Variants in DBNDD2 observed in about 807,000 individuals in gnomAD.
DBNDD2 encodes dysbindin domain-containing protein 2.
In DBNDD2, 8 loss-of-function variants were observed where a neutral mutation model predicts 14.0. The observed-to-expected ratio is 0.57, with a 90% CI of 0.33 to 1.03. DBNDD2 has a LOEUF of 1.03. Ranked by LOEUF, DBNDD2 falls within the 50% of genes least tolerant of loss-of-function variation. DBNDD2 has a pLI of 0.03. For synonymous variants in DBNDD2, 94 were observed against 85.3 expected (o/e 1.10, Z -0.56); for missense variants, 194 against 206.0 (o/e 0.94, Z 0.36).
chr20:45,406,649 C>T (rs1282614688), upstream of DBNDD2: 65 of 1,351,846 alleles, frequency 4.8e-5, no homozygotes, highest in Non-Finnish European at 6.2e-5. Flanking sequence ...AGCCCCACCC[C>T]GGCCGGCGCG....
Position 45,410,002 on chromosome 20 carries a change from C to T in DBNDD2, c.348C>T (p.Ser116=). 2 of 1,551,344 alleles carry T rather than the reference C, an allele frequency of 1.3e-6. No homozygotes were observed. Among genetic ancestry groups the T allele is most frequent in the Non-Finnish European group, 8.7e-7 (1 of 1,146,564 alleles). ...PTSDRTTSRT[S]SSSSSDSSTN... ...CAGACAGGACCACATCTAGGACCTCCTCCTCCTCCTCCTCCGACTCCTCCA... is the reference window on the plus strand; with the variant it reads ...CAGACAGGACCACATCTAGGACCTCTTCCTCCTCCTCCTCCGACTCCTCCA... The change falls in exon 3 of 3, where the codon TCC becomes TCT. Residue 116 remains serine, a synonymous_variant. Coordinates refer to ENST00000372710, the MANE Select transcript of DBNDD2 (RefSeq NM_001048225.4).
upstream of DBNDD2, chr20:45,407,855 T>C (rs540975712): frequency 8.8e-7 from 1 of 1,140,094 alleles, no homozygotes; most frequent in East Asian, 4.5e-5. Flanking sequence ...GAGCCTAGTC[T>C]GGAAGTCAGG....
In DBNDD2 at chr20:45,410,021, T is replaced by G. The variant is rs775517761; in HGVS notation, c.367T>G (p.Ser123Ala). 6.4e-7 allele frequency: 1 copy of G among 1,552,368 alleles called. No homozygotes were observed. Among genetic ancestry groups the G allele is most frequent in the Non-Finnish European group, 8.7e-7 (1 of 1,147,310 alleles). ...GACCTCCTCCTCCTCCTCCTCCGAC[T>G]CCTCCACCAACCTGCATAGCCCAAA... is the stretch of plus-strand genomic sequence containing the variant. ...SRTSSSSSSD[S>A]STNLHSPNPS... Residue 123 changes from serine to alanine, a missense_variant, in exon 3 of 3, where the codon TCC becomes GCC. Physicochemically the swap from Ser to Ala is moderately conservative, Grantham distance 99. Coordinates refer to ENST00000372710, the MANE Select transcript of DBNDD2 (RefSeq NM_001048225.4).
At position 45,410,182 on chromosome 20, in the gene DBNDD2, C is replaced by T; in HGVS notation, c.*42C>T. The stretch of plus-strand genomic sequence containing the variant: ...ACAGACTGACCACGCTGGCTATTCT[C>T]CACATGAGACCACAGGCCCAGCCAG... On this transcript the variant is annotated 3_prime_UTR_variant, in exon 3 of 3. Transcript: ENST00000372710. The T allele has an allele frequency of 3.2e-6, 5 of 1,546,808 alleles. No homozygotes were observed. In the South Asian group the frequency reaches 4.8e-5, roughly 15 times the overall value.
chr20:45,408,736 T>C (rs896380054), intron 1 of DBNDD2, 65 bp from the exon 2 acceptor site: 85 of 1,583,558 alleles, frequency 5.4e-5, no homozygotes, highest in Middle Eastern at 5.0e-4. Context: ...GGACCTGACA[T>C]GTAACTCTCA....
Position 45,408,304 on chromosome 20 carries a change from G to T in DBNDD2, c.-164G>T, listed in dbSNP as rs1273798588. On this transcript the variant is annotated 5_prime_UTR_variant, in exon 1 of 3. Transcript: ENST00000372710. ...TTTGTGGGACACACTTGGTTTCAGGGAAGGGGAAAGAGGTCACCAAGGGCA... is the reference window on the plus strand; with the variant it reads ...TTTGTGGGACACACTTGGTTTCAGGTAAGGGGAAAGAGGTCACCAAGGGCA... 1 of 1,571,302 alleles carries T rather than the reference G, an allele frequency of 6.4e-7. No homozygotes were observed. The highest frequency in any genetic ancestry group is 1.4e-5 in the African/African-American group (1 of 73,760).
At chr20:45,407,869 G>A (rs1212945344), upstream of DBNDD2, 2 of 1,167,300 alleles carry the variant, frequency 1.7e-6, no homozygotes, top group Admixed American at 4.2e-5. Flanking sequence ...AGTCAGGCCT[G>A]TGACTTCAGA....
chr20:45,408,928 C>A lies in DBNDD2; in HGVS notation c.267C>A (p.Pro89=). Residue 89 remains proline (P), a synonymous_variant, in exon 2 of 3, where the codon CCC becomes CCA. Transcript: ENST00000372710. ...CTTGCGAAGATCCTCCACCAACCCC[C>A]CAGTCGTCTGGTATGCCCCTCTGCT... ...FLPCEDPPPT[P]QSSGMDNHLE... is the part of the protein sequence containing the mutation. 1 of 1,614,216 alleles carries A rather than the reference C, an allele frequency of 6.2e-7. No individual in the cohort carries two copies.
upstream of DBNDD2, chr20:45,406,590 C>G (rs573669747): frequency 3.4e-6 from 5 of 1,456,130 alleles, no homozygotes; most frequent in Admixed American, 2.5e-5. Flanking sequence ...GCCTCTTCCT[C>G]GTTCCCGGCT....
upstream of DBNDD2, chr20:45,406,566 C>A (rs774496791): frequency 1.3e-6 from 2 of 1,489,778 alleles, no homozygotes; most frequent in Admixed American, 2.2e-5. Context: ...GCCCCTCCCC[C>A]ACTTCCGCCT....
intron 2 of DBNDD2, among the ~76,000 whole-genome samples, chr20:45,409,586 AC>A (rs1482212630): frequency 1.3e-5 from 2 of 152,276 alleles, no homozygotes; most frequent in Non-Finnish European, 2.9e-5. Flanking sequence ...TATTCCCAAA[AC>A]CCTTTGGGGA....
intron 2 of DBNDD2, among the ~76,000 whole-genome samples, chr20:45,409,285 T>C (rs1427869572): frequency 1.3e-5 from 2 of 152,240 alleles, no homozygotes; most frequent in Non-Finnish European, 2.9e-5. Context: ...TTAATATGTA[T>C]TGAGTACTTT....
upstream of DBNDD2, chr20:45,406,864 A>AT (rs913638178): frequency 1.6e-4 from 181 of 1,165,818 alleles, no homozygotes; most frequent in Non-Finnish European, 1.8e-4. Flanking sequence ...TTTTTAGGGA[A>AT]TTTTTTCCCT....
chr20:45,407,335 G>A (rs1989499663), upstream of DBNDD2: 1 of 985,734 alleles, frequency 1.0e-6, no homozygotes, highest in Non-Finnish European at 1.2e-6. Context: ...TTGGCCAGTC[G>A]GGGTTGGGTC....
upstream of DBNDD2, chr20:45,407,448 C>A (rs2145412034): frequency 2.0e-6 from 2 of 985,762 alleles, no homozygotes; most frequent in East Asian, 1.1e-4. Context: ...GTCTGATCCT[C>A]AAGCTAGAAA....
At chr20:45,409,114 A>G in intron 2 of DBNDD2, 176 bp downstream of exon 2, 1 of 1,308,574 alleles carries the variant, frequency 7.6e-7, no homozygotes, top group Admixed American at 2.1e-5. Context: ...CCTGAGGGAG[A>G]ACTGGGTTAC....
Position 45,410,325 on chromosome 20 carries a change from C to A in DBNDD2, c.*185C>A. 1 of 689,452 alleles carries A rather than the reference C, an allele frequency of 1.5e-6. No homozygotes were observed. Among genetic ancestry groups the A allele is most frequent in the Non-Finnish European group, 2.4e-6 (1 of 421,232 alleles). The allele number at this position is 689,452 out of a possible 1,614,324, so 42.7% of individuals were successfully genotyped here. A position where few individuals can be genotyped will look rare whatever the true frequency, so the allele number is the denominator to read the frequency against. ...TCTCCTGCTTTACTGCTAATTTTTT[C>A]CTGCTGCAACCCTCCCACCAGTTTT... On this transcript the variant is annotated 3_prime_UTR_variant, in exon 3 of 3. Transcript: ENST00000372710.
Position 45,408,504 on chromosome 20 carries a change from C to A in DBNDD2, c.37C>A (p.Gln13Lys). 1 of 1,614,284 alleles carries A rather than the reference C, an allele frequency of 6.2e-7. No homozygotes were observed. The highest frequency in any genetic ancestry group is 8.5e-7 in the Non-Finnish European group (1 of 1,180,048). Residue 13 changes from glutamine (Q) to lysine (K), a missense_variant, in exon 1 of 3, where the codon CAG (glutamine) becomes AAG (lysine). By Grantham distance (53) the Gln-to-Lys change is moderately conservative. Coordinates refer to ENST00000372710, the MANE Select transcript of DBNDD2 (RefSeq NM_001048225.4). ...TCCTCGGGCCGCCCTGGAGCGCCAG[C>A]AGCTCCGCCTTCGGGAGCGGCAAAA... ...PNPRAALERQQLRLRERQKFF... is the reference protein window; with the variant it reads ...PNPRAALERQKLRLRERQKFF...
chr20:45,408,175 C>T (rs1600787479), upstream of DBNDD2: 1 of 1,548,914 alleles, frequency 6.5e-7, no homozygotes, highest in South Asian at 1.2e-5. Context: ...GAGAGTTGGG[C>T]ATTGGCTGTG....
Sources: allele counts gnomAD v4.1 joint callset (sites outside exome capture counted in the v4.1 genomes callset), GRCh38; gene constraint gnomAD v4.1.1; transcripts MANE v1.5; gene names NCBI Gene and HGNC (gene_info 2026-07-23, HGNC 2026-07-21).